SLC9C1: variants seen among roughly 807,000 people sequenced by gnomAD.
SLC9C1 encodes the protein sodium/hydrogen exchanger 10.
Under a neutral mutation model 140.9 loss-of-function variants are expected in SLC9C1, and 97 were observed. The ratio of observed to expected loss-of-function variants is 0.69; its 90% CI spans 0.58 to 0.82. The LOEUF is 0.82. Ranked by LOEUF, SLC9C1 falls within the 40% of genes least tolerant of loss-of-function variation. The probability of loss-of-function intolerance (pLI) is 0.00; values close to 1 mark genes in which losing one functional copy is unlikely to be tolerated. For synonymous variants in SLC9C1, 440 were observed against 442.6 expected (o/e 0.99, Z 0.07); for missense variants, 1,340 against 1,389.3 (o/e 0.96, Z 0.56).
At chr3:112,161,665 T>G (rs929483533) in intron 26 of SLC9C1, among the ~76,000 whole-genome samples, 2 of 152,120 alleles carry the variant, frequency 1.3e-5, no homozygotes, top group African/African-American at 4.8e-5. Flanking sequence ...GCTGTTTTGG[T>G]TACTGCAGCC....
intron 19 of SLC9C1, among the ~76,000 whole-genome samples, 200 bp downstream of exon 19, chr3:112,200,509 CAG>C (rs1249468894): frequency 6.6e-6 from 1 of 152,050 alleles, no homozygotes; most frequent in Non-Finnish European, 1.5e-5. Context: ...TTGCATGAAG[CAG>C]AGAGAGAAAG....
chr3:112,198,066 T>C (rs1368730106), intron 20 of SLC9C1, among the ~76,000 whole-genome samples: 2 of 152,106 alleles, frequency 1.3e-5, no homozygotes, highest in Non-Finnish European at 2.9e-5. Flanking sequence ...TGGCCTACAT[T>C]ATATAAAATA....
intron 1 of SLC9C1, among the ~76,000 whole-genome samples, chr3:112,290,075 T>C (rs2080633693): frequency 6.6e-6 from 1 of 152,230 alleles, no homozygotes; most frequent in Non-Finnish European, 1.5e-5. Context: ...AAGAACATTT[T>C]GGTCAATTAG....
chr3:112,188,354 T>C, intron 20 of SLC9C1, among the ~76,000 whole-genome samples: 1 of 152,222 alleles, frequency 6.6e-6, no homozygotes, highest in Admixed American at 6.5e-5. Flanking sequence ...TCATTTACAT[T>C]AGGTATTTCT....
At position 112,276,401 on chromosome 3, in the gene SLC9C1, T is replaced by C. The variant is rs150587816; in HGVS notation, c.484+1294A>G. Among the ~76,000 whole-genome samples, 125 of 151,556 alleles carry C rather than the reference T, an allele frequency of 8.2e-4. No individual in the cohort carries two copies. In the East Asian group the frequency reaches 0.014, roughly 17 times the overall value. On this transcript the variant is annotated intron_variant, in intron 5 of 28. Coordinates refer to ENST00000305815, the MANE Select transcript of SLC9C1 (RefSeq NM_183061.3). ...ATATGAAAAAATATATATATATGCA[T>C]ATACACACGTACACACACATACACA... is the stretch of plus-strand genomic sequence containing the variant.
rs190865076 is a variant in SLC9C1 at position 112,236,267 on chromosome 3, A to C, written c.1446+3573T>G. ...CTAGTTTATTTGTGTAGAGGTGTTT[A>C]TGGTATTCTCTGATGGTAGTTTGTA... On this transcript the variant is annotated intron_variant, in intron 12 of 28. Coordinates refer to ENST00000305815, the MANE Select transcript of SLC9C1 (RefSeq NM_183061.3). Among the ~76,000 whole-genome samples, 10 of 152,214 alleles carry C rather than the reference A, an allele frequency of 6.6e-5. No homozygotes were observed. In the East Asian group the frequency reaches 1.9e-3, roughly 29 times the overall value.
intron 10 of SLC9C1, among the ~76,000 whole-genome samples, chr3:112,257,961 A>G (rs781151963): frequency 1.6e-4 from 24 of 152,228 alleles, no homozygotes; most frequent in Non-Finnish European, 3.4e-4. Context: ...ATCATTGATC[A>G]TTAGAGTAAT....
rs751279671 is a variant in SLC9C1, at chr3:112,244,018, A to G, written c.1256T>C (p.Leu419Ser). 6 of 1,607,252 alleles carry G rather than the reference A, an allele frequency of 3.7e-6. No homozygotes were observed. The South Asian group carries it at 6.7e-5, about 18-fold the overall frequency. Residue 419 changes from leucine to serine, a missense_variant, in exon 11 of 29, where the codon TTG (leucine) becomes TCG (serine). By Grantham distance (145) the Leu-to-Ser change is moderately radical. Coordinates refer to ENST00000305815, the MANE Select transcript of SLC9C1 (RefSeq NM_183061.3). Reference protein sequence around the residue: ...LITLVVNRFILPVAVTILGLR... With the variant: ...LITLVVNRFISPVAVTILGLR... The stretch of plus-strand genomic sequence containing the variant: ...ACCTAGTATAGTAACTGCCACTGGC[A>G]AAATAAATCTATTGACAACAAGGGT...
At chr3:112,215,684 C>T (rs897909038) in intron 15 of SLC9C1, among the ~76,000 whole-genome samples, 1 of 152,078 alleles carries the variant, frequency 6.6e-6, no homozygotes. Context: ...AACTACAAAC[C>T]ACTGCTCAAC....
intron 20 of SLC9C1, among the ~76,000 whole-genome samples, chr3:112,183,349 C>CTTTTTTTTTTTTTTTTTTTTTTTT (rs200437815): frequency 0.015 from 1,449 of 95,148 alleles, 238 homozygotes; most frequent in African/African-American, 0.02. Context: ...AGCACCTTTT[C>CTTTTTTTTTTTTTTTTTTTTTTTT]TTTTTTTTTT....
chr3:112,180,574 C>T lies in SLC9C1; in HGVS notation c.2738G>A (p.Gly913Asp). 1 of 1,606,558 alleles carries T rather than the reference C, an allele frequency of 6.2e-7. No homozygotes were observed. The highest frequency in any genetic ancestry group is 8.5e-7 in the Non-Finnish European group (1 of 1,177,830). The change falls in exon 22 of 29, where the codon GGC becomes GAC. Residue 913 changes from glycine (G) to aspartate (D), a missense_variant. Gly to Asp is a moderately conservative substitution (Grantham distance 94). Transcript: ENST00000305815. ...AAACCTCTGCCTTACCTTTACCATGCCTGAAATAATGATATAGATTCCTTT... is the reference window on the plus strand; with the variant it reads ...AAACCTCTGCCTTACCTTTACCATGTCTGAAATAATGATATAGATTCCTTT... ...EPKGIYIIIS[G>D]MVKLEKSKPG... is the part of the protein sequence containing the mutation.
chr3:112,227,260 T>C (rs900059326), intron 13 of SLC9C1, among the ~76,000 whole-genome samples: 1 of 152,140 alleles, frequency 6.6e-6, no homozygotes, highest in African/African-American at 2.4e-5. Context: ...AGCATTACCC[T>C]AATACCAACA....
chr3:112,224,362 G>A (rs977663770), intron 13 of SLC9C1, among the ~76,000 whole-genome samples: 5 of 151,424 alleles, frequency 3.3e-5, no homozygotes, highest in Non-Finnish European at 7.4e-5. Flanking sequence ...AGAGGCAACT[G>A]TTTCACAAGA....
chr3:112,221,323 A>C (rs1273811036), intron 13 of SLC9C1, 98 bp from the exon 14 acceptor site: 2 of 959,894 alleles, frequency 2.1e-6, no homozygotes, highest in East Asian at 5.2e-5. Context: ...AAGTAAAAAC[A>C]ATCAATCTAG....
intron 21 of SLC9C1, 64 bp downstream of exon 21, chr3:112,182,069 T>C (rs1283935302): frequency 1.7e-6 from 2 of 1,162,516 alleles, no homozygotes; most frequent in Non-Finnish European, 2.3e-6. Context: ...ATGGTTAAAT[T>C]CTTATTTTAA....
intron 13 of SLC9C1, among the ~76,000 whole-genome samples, chr3:112,225,584 G>A (rs1316568460): frequency 6.6e-6 from 1 of 151,338 alleles, no homozygotes; most frequent in African/African-American, 2.4e-5. Context: ...ATCCCTGAAT[G>A]TAAACTAATT....
At chr3:112,198,186 G>A (rs979940433) in intron 20 of SLC9C1, among the ~76,000 whole-genome samples, 2 of 151,612 alleles carry the variant, frequency 1.3e-5, no homozygotes, top group African/African-American at 4.8e-5. Context: ...TTTTATATTA[G>A]GTTCATAGAT....
rs146124259 is a variant in SLC9C1 at position 112,219,667 on chromosome 3, C to T, written c.1670+1461G>A. 5.8e-4 allele frequency among the ~76,000 whole-genome samples: 89 copies of T among 152,258 alleles called. 1 individual carries two copies. The East Asian group carries it at 0.015, about 25-fold the overall frequency. On this transcript the variant is annotated intron_variant, in intron 14 of 28. Coordinates refer to ENST00000305815, the MANE Select transcript of SLC9C1 (RefSeq NM_183061.3). ...AATCTCAGCTCACTGCAACCTCTGC[C>T]TTCGGGGTTCAAGCAATTCTCCTAT...
intron 14 of SLC9C1, among the ~76,000 whole-genome samples, chr3:112,219,292 T>C (rs1372102136): frequency 6.6e-6 from 1 of 150,864 alleles, no homozygotes; most frequent in East Asian, 2.0e-4. Context: ...AATGGTAAAA[T>C]CAGCTCAGCA....
Sources: gnomAD v4.1 joint callset for allele counts (sites outside exome capture counted in the v4.1 genomes callset) on GRCh38, gnomAD v4.1.1 for gene constraint, MANE v1.5 for transcripts, NCBI Gene and HGNC (gene_info 2026-07-23, HGNC 2026-07-21) for gene names.